CLINT1: variants seen among roughly 807,000 people sequenced by gnomAD.
CLINT1 encodes the protein clathrin interactor 1, also known as clathrin interacting protein localized in the trans-Golgi region.
CLINT1 carries 15 observed loss-of-function variants against 70.4 expected under a neutral mutation model. The observed-to-expected ratio is 0.21, with a 90% CI of 0.14 to 0.33. The LOEUF is 0.33. Among genes scored for constraint, CLINT1 ranks in the 10% least tolerant of loss-of-function variants. The probability of loss-of-function intolerance (pLI) is 1.00; values close to 1 mark genes in which losing one functional copy is unlikely to be tolerated. For synonymous variants in CLINT1, 227 were observed against 254.7 expected (o/e 0.89, Z 1.04); for missense variants, 615 against 778.1 (o/e 0.79, Z 2.49).
At chr5:157,834,422 CTCTGT>C (rs1202593658) in intron 1 of CLINT1, among the ~76,000 whole-genome samples, 3 of 151,770 alleles carry the variant, frequency 2.0e-5, no homozygotes, top group African/African-American at 7.3e-5. Flanking sequence ...TGTTCTGTTA[CTCTGT>C]TCTGAGTAAC....
intron 5 of CLINT1, among the ~76,000 whole-genome samples, chr5:157,810,031 C>A (rs935420585): frequency 6.6e-6 from 1 of 152,180 alleles, no homozygotes; most frequent in Non-Finnish European, 1.5e-5. Context: ...TGAATACTTA[C>A]ACAACCTTAA....
At chr5:157,852,538 T>C (rs1170675548) in intron 1 of CLINT1, among the ~76,000 whole-genome samples, 1 of 152,226 alleles carries the variant, frequency 6.6e-6, no homozygotes, top group East Asian at 1.9e-4. Context: ...TATACTGTTT[T>C]GTGTGTAACA....
chr5:157,836,519 G>A (rs2113283995), intron 1 of CLINT1, among the ~76,000 whole-genome samples: 1 of 152,292 alleles, frequency 6.6e-6, no homozygotes, highest in Admixed American at 6.5e-5. Context: ...ATGGCCCTGA[G>A]CATAGTGGTG....
Position 157,830,792 on chromosome 5 carries a change from C to CTA in CLINT1, c.42-13246_42-13245insTA, listed in dbSNP as rs1401102671. 4.8e-3 allele frequency among the ~76,000 whole-genome samples: 560 copies of CTA among 116,384 alleles called. 3 individuals are homozygous for CTA. The highest frequency in any genetic ancestry group is 8.5e-3 in the African/African-American group (241 of 28,320). 76.4% of individuals were successfully genotyped at this position (116,384 alleles called of 152,430 possible). On this transcript the variant is annotated intron_variant, in intron 1 of 11. Transcript: ENST00000411809. ...TCTCTCTCTCTCTCTCTCTCTCTCT[C>CTA]TCTCTATATATATATATATATATAG...
intron 8 of CLINT1, among the ~76,000 whole-genome samples, chr5:157,802,007 G>A (rs1762239174): frequency 6.6e-6 from 1 of 151,814 alleles, no homozygotes; most frequent in East Asian, 1.9e-4. Flanking sequence ...CGATTCTCCT[G>A]CCTTAGTCTC....
chr5:157,813,635 A>G (rs902163668), intron 4 of CLINT1, among the ~76,000 whole-genome samples: 4 of 152,224 alleles, frequency 2.6e-5, no homozygotes, highest in African/African-American at 9.6e-5. Flanking sequence ...AAGCACACAA[A>G]TGTCTTGGTT....
intron 1 of CLINT1, among the ~76,000 whole-genome samples, chr5:157,853,794 A>AG (rs1561679704): frequency 6.6e-6 from 1 of 151,170 alleles, no homozygotes; most frequent in Non-Finnish European, 1.5e-5. Context: ...AAAAAAAAAA[A>AG]AAAAAAAAGA....
At chr5:157,831,254 C>T (rs1763235446) in intron 1 of CLINT1, among the ~76,000 whole-genome samples, 1 of 149,130 alleles carries the variant, frequency 6.7e-6, no homozygotes, top group Non-Finnish European at 1.5e-5. Context: ...GTGGCAGGAT[C>T]TTGGCTCACC....
intron 7 of CLINT1, among the ~76,000 whole-genome samples, chr5:157,804,655 T>C (rs1046835444): frequency 2.0e-5 from 3 of 152,042 alleles, no homozygotes; most frequent in Non-Finnish European, 2.9e-5. Context: ...CCGGGCGCGG[T>C]GGCTCAAGCC....
At chr5:157,846,870 G>A (rs536447929) in intron 1 of CLINT1, among the ~76,000 whole-genome samples, 1 of 152,274 alleles carries the variant, frequency 6.6e-6, no homozygotes, top group African/African-American at 2.4e-5. Flanking sequence ...CCTAAATGAT[G>A]GCGCATCTGT....
intron 1 of CLINT1, among the ~76,000 whole-genome samples, chr5:157,830,452 T>C (rs751445470): frequency 5.3e-5 from 8 of 152,234 alleles, no homozygotes; most frequent in Non-Finnish European, 1.2e-4. Context: ...CGTTTTTTAC[T>C]GTTAATCTTA....
In CLINT1 at chr5:157,792,542, C is replaced by T. The variant is rs575969243; in HGVS notation, c.1088-547G>A. Reference sequence around the variant, plus strand: ...CAGCCTGGGTGACAGAGCGAGACTCCGTCTAAAAAAAAATGAAGAATTTCT... The same window carrying T: ...CAGCCTGGGTGACAGAGCGAGACTCTGTCTAAAAAAAAATGAAGAATTTCT... On this transcript the variant is annotated intron_variant, in intron 9 of 11. Transcript: ENST00000411809. Among the ~76,000 whole-genome samples the T allele has an allele frequency of 2.6e-5, 4 of 152,004 alleles. No individual in the cohort carries two copies. The South Asian group carries it at 6.2e-4, about 24-fold the overall frequency.
chr5:157,853,870 A>G (rs1446638983), intron 1 of CLINT1, among the ~76,000 whole-genome samples: 1 of 152,054 alleles, frequency 6.6e-6, no homozygotes, highest in Non-Finnish European at 1.5e-5. Context: ...GTGCTTTTTA[A>G]AAGCACCCTG....
At chr5:157,833,483 A>G (rs1464898905) in intron 1 of CLINT1, among the ~76,000 whole-genome samples, 1 of 152,158 alleles carries the variant, frequency 6.6e-6, no homozygotes, top group Non-Finnish European at 1.5e-5. Context: ...TGCACAGGCT[A>G]TTCTCTCTGT....
chr5:157,821,987 T>TCACTA (rs1193599199), intron 1 of CLINT1, among the ~76,000 whole-genome samples: 3 of 152,228 alleles, frequency 2.0e-5, no homozygotes, highest in Non-Finnish European at 4.4e-5. Flanking sequence ...CAACACTGAC[T>TCACTA]CACTAGATCT....
At chr5:157,823,572 A>T (rs1762940873) in intron 1 of CLINT1, 1 of 161,198 alleles carries the variant, frequency 6.2e-6, no homozygotes, top group Non-Finnish European at 1.3e-5. Flanking sequence ...TTTGGAATTA[A>T]TATGATTTTT....
chr5:157,787,606 G>C lies in CLINT1; in HGVS notation c.*40C>G. 4 of 1,549,680 alleles carry C rather than the reference G, an allele frequency of 2.6e-6. No individual in the cohort carries two copies. Among genetic ancestry groups the C allele is most frequent in the Non-Finnish European group, 3.5e-6 (4 of 1,127,268 alleles). ...CATCCCAACATCACCTATCTGCACAGCTAAAAATTCTTCATTCAATCTGCT... is the reference window on the plus strand; with the variant it reads ...CATCCCAACATCACCTATCTGCACACCTAAAAATTCTTCATTCAATCTGCT... On this transcript the variant is annotated 3_prime_UTR_variant, in exon 12 of 12. Transcript: ENST00000411809.
Position 157,813,238 on chromosome 5 carries a change from G to T in CLINT1, c.353-11C>A. 6.2e-7 allele frequency: 1 copy of T among 1,604,410 alleles called. No homozygotes were observed. On this transcript the variant is annotated splice_polypyrimidine_tract_variant and intron_variant, in intron 4 of 11. Transcript: ENST00000411809. ...CCTTACCATGCTCATCTATGAGGAT[G>T]GTAAGAGATAAGCAAAACCTAAGAA...
Position 157,804,579 on chromosome 5 carries a change from A to T in CLINT1, c.943-860T>A, listed in dbSNP as rs145154265. On this transcript the variant is annotated intron_variant, in intron 7 of 11. Transcript: ENST00000411809. ...GTTGGGTAACTTTCTAAGAACTTCA[A>T]CCTTCTAGACATTTTTTTTGAGGGG... 5.3e-5 allele frequency among the ~76,000 whole-genome samples: 8 copies of T among 152,270 alleles called. No homozygotes were observed. In the East Asian group the frequency reaches 1.5e-3, roughly 29 times the overall value.
Sources: gnomAD v4.1 joint callset for allele counts (sites outside exome capture counted in the v4.1 genomes callset) on GRCh38, gnomAD v4.1.1 for gene constraint, MANE v1.5 for transcripts, NCBI Gene and HGNC (gene_info 2026-07-23, HGNC 2026-07-21) for gene names.